The following BIN2 variants were observed in gnomAD, a reference collection of about 807,000 sequenced individuals.
The protein encoded by BIN2 is breast cancer associated protein BRAP1.
Under a neutral mutation model 67.9 loss-of-function variants are expected in BIN2, and 43 were observed. The observed-to-expected ratio is 0.63, with a 90% CI of 0.50 to 0.82. The LOEUF (loss-of-function observed/expected upper bound fraction) is 0.82. Ranked by LOEUF, BIN2 falls within the 40% of genes least tolerant of loss-of-function variation. The pLI, the probability that BIN2 is intolerant of heterozygous loss-of-function variation, is 0.00. For missense variants in BIN2, 581 were observed against 671.6 expected (o/e 0.87, Z 1.49); for synonymous variants, 244 against 246.8 (o/e 0.99, Z 0.11).
chr12:51,324,512 C>T (rs1946381119), upstream of BIN2: 1 of 1,531,306 alleles, frequency 6.5e-7, no homozygotes, highest in Non-Finnish European at 8.7e-7. Context: ...AGAGGACCTA[C>T]CATATCGAAA....
intron 2 of BIN2, among the ~76,000 whole-genome samples, chr12:51,309,059 T>C (rs913372233): frequency 1.3e-5 from 2 of 152,150 alleles, no homozygotes; most frequent in Admixed American, 6.6e-5. Flanking sequence ...TTGGTATTGA[T>C]AGGATAAGCT....
chr12:51,313,592 C>T (rs913843079), intron 2 of BIN2, among the ~76,000 whole-genome samples: 5 of 152,052 alleles, frequency 3.3e-5, no homozygotes, highest in South Asian at 2.1e-4. Flanking sequence ...CCGCCCGCCT[C>T]GCCCTCCCAA....
At chr12:51,321,167 C>G (rs1946270132) in intron 1 of BIN2, among the ~76,000 whole-genome samples, 1 of 152,082 alleles carries the variant, frequency 6.6e-6, no homozygotes, top group African/African-American at 2.4e-5. Context: ...GGGGGAGGCA[C>G]AGATGTGAGA....
chr12:51,311,037 C>T lies in BIN2; in HGVS notation c.162+2786G>A, dbSNP rs1361535169. Among the ~76,000 whole-genome samples, 4 of 151,498 alleles carry T rather than the reference C, an allele frequency of 2.6e-5. No homozygotes were observed. In the East Asian group the frequency reaches 5.8e-4, roughly 22 times the overall value. ...GTGCTGGGATTATAGGTGTGGGCCA[C>T]CATGTTGGGCCTATTATTAATTTTT... is the stretch of plus-strand genomic sequence containing the variant. On this transcript the variant is annotated intron_variant, in intron 2 of 12. Coordinates refer to ENST00000615107, the MANE Select transcript of BIN2 (RefSeq NM_016293.4).
At chr12:51,297,290 T>C (rs1293875673) in intron 7 of BIN2, 126 bp from the exon 8 acceptor site, 12 of 848,186 alleles carry the variant, frequency 1.4e-5, no homozygotes, top group East Asian at 8.1e-5. Context: ...GCCATCCCGC[T>C]GGGCACAGTG....
At chr12:51,285,882 G>T (rs1228377991) in intron 11 of BIN2, among the ~76,000 whole-genome samples, 1 of 152,078 alleles carries the variant, frequency 6.6e-6, no homozygotes, top group African/African-American at 2.4e-5. Context: ...AAAGTGTTGG[G>T]ATTACAGGTG....
At chr12:51,284,816 A>T in intron 11 of BIN2, 29 bp from the exon 12 acceptor site, 2 of 1,553,348 alleles carry the variant, frequency 1.3e-6, no homozygotes, top group Non-Finnish European at 1.8e-6. Context: ...TGCCAGTAAG[A>T]GGTGGCTCAA....
rs752842477 is a variant in BIN2, at chr12:51,291,576, C to T, written c.1515+15G>A. 4 of 1,562,562 alleles carry T rather than the reference C, an allele frequency of 2.6e-6. No individual in the cohort carries two copies. The South Asian group carries it at 4.9e-5, about 19-fold the overall frequency. On this transcript the variant is annotated intron_variant, in intron 10 of 12. Transcript: ENST00000615107. The stretch of plus-strand genomic sequence containing the variant: ...AAATTAATTAAATTAAATACCCAAC[C>T]AGAACTACTCTTACCTGAGATGTCA...
chr12:51,305,230 G>A (rs939312457), intron 2 of BIN2, among the ~76,000 whole-genome samples: 37 of 152,170 alleles, frequency 2.4e-4, no homozygotes, highest in African/African-American at 8.7e-4. Flanking sequence ...CAGCTGCTTG[G>A]CAGGCTTAGG....
chr12:51,296,431 A>G (rs1371446130), intron 8 of BIN2, among the ~76,000 whole-genome samples: 4 of 151,670 alleles, frequency 2.6e-5, no homozygotes, highest in Non-Finnish European at 5.9e-5. Flanking sequence ...TGGGAGGCAG[A>G]GCTTGCAGTG....
chr12:51,291,602 T>A lies in BIN2; in HGVS notation c.1504A>T (p.Met502Leu). 1 of 1,601,226 alleles carries A rather than the reference T, an allele frequency of 6.2e-7. No individual in the cohort carries two copies. Residue 502 changes from methionine to leucine, a missense_variant, in exon 10 of 13, where the codon ATG becomes TTG. Transcript: ENST00000615107. ...AGAACTACTCTTACCTGAGATGTCA[T>A]TAAGGTGGGGGAAGTACAAAGTTCT... ...PEELCTSPTL[M>L]TSQVASEPGE...
At chr12:51,324,447 C>A, upstream of BIN2, 8 of 1,488,972 alleles carry the variant, frequency 5.4e-6, no homozygotes, top group Non-Finnish European at 7.1e-6. Flanking sequence ...TCACGCTGAG[C>A]ACTGCAAAGC....
At chr12:51,286,549 CA>C (rs1447347329) in intron 11 of BIN2, among the ~76,000 whole-genome samples, 1 of 152,150 alleles carries the variant, frequency 6.6e-6, no homozygotes, top group Non-Finnish European at 1.5e-5. Context: ...TCCAAGAATG[CA>C]AGCTTGTTTT....
chr12:51,315,159 G>GTTA (rs907488299), intron 1 of BIN2, among the ~76,000 whole-genome samples: 7 of 150,236 alleles, frequency 4.7e-5, no homozygotes, highest in East Asian at 1.9e-4. Flanking sequence ...GGCTGGCATT[G>GTTA]TTATTATTAT....
intron 2 of BIN2, 151 bp downstream of exon 2, chr12:51,313,672 A>G: frequency 4.6e-6 from 3 of 647,494 alleles, no homozygotes; most frequent in Non-Finnish European, 8.2e-6. Flanking sequence ...GAGGAAGGAT[A>G]AGCAACAGGT....
chr12:51,301,899 A>G (rs1052154531), intron 5 of BIN2, 121 bp downstream of exon 5: 8 of 688,344 alleles, frequency 1.2e-5, no homozygotes, highest in African/African-American at 1.8e-5. Context: ...TCTTTCTCCT[A>G]ACTTACCCAA....
Position 51,299,696 on chromosome 12 carries a change from C to G in BIN2, c.427G>C (p.Gly143Arg), listed in dbSNP as rs777651541. 5 of 1,614,020 alleles carry G rather than the reference C, an allele frequency of 3.1e-6. No individual in the cohort carries two copies. Among genetic ancestry groups the G allele is most frequent in the Non-Finnish European group, 4.2e-6 (5 of 1,180,004 alleles). ...CTGTCATAGTCCACGAGTTTCCGAC[C>G]CCGCTTGGCAATTCTCTCCTGACCC... Reference protein sequence around the residue: ...SEIKERIAKRGRKLVDYDSAR... With the variant: ...SEIKERIAKRRRKLVDYDSAR... Residue 143 changes from glycine to arginine, a missense_variant, in exon 6 of 13, where the codon GGT (glycine) becomes CGT (arginine). Physicochemically the swap from Gly to Arg is moderately radical, Grantham distance 125. Transcript: ENST00000615107.
intron 1 of BIN2, among the ~76,000 whole-genome samples, chr12:51,316,230 C>T (rs535766462): frequency 6.6e-6 from 1 of 151,970 alleles, no homozygotes; most frequent in Non-Finnish European, 1.5e-5. Context: ...GTGGCTCATG[C>T]GCCCGGCCTT....
At chr12:51,311,837 T>A (rs1946004746) in intron 2 of BIN2, among the ~76,000 whole-genome samples, 1 of 152,038 alleles carries the variant, frequency 6.6e-6, no homozygotes, top group South Asian at 2.1e-4. Flanking sequence ...AGTGGTGCGA[T>A]CTTGGCTCAC....
Sources: gnomAD v4.1 joint callset for allele counts (sites outside exome capture counted in the v4.1 genomes callset) on GRCh38, gnomAD v4.1.1 for gene constraint, MANE v1.5 for transcripts, NCBI Gene and HGNC (gene_info 2026-07-23, HGNC 2026-07-21) for gene names.